Variants in EPG5 observed in about 807,000 individuals in gnomAD.
EPG5 encodes the protein ectopic P granules protein 5 homolog.
EPG5 carries 159 observed loss-of-function variants against 302.7 expected under a neutral mutation model. The ratio of observed to expected loss-of-function variants is 0.53; its 90% CI spans 0.46 to 0.60. The LOEUF is 0.60. Among genes scored for constraint, EPG5 ranks in the 20% least tolerant of loss-of-function variants. The probability of loss-of-function intolerance (pLI) is 0.00; values close to 1 mark genes in which losing one functional copy is unlikely to be tolerated. For synonymous variants in EPG5, 1,158 were observed against 1,136.8 expected (o/e 1.02, Z -0.37); for missense variants, 2,896 against 3,092.4 (o/e 0.94, Z 1.51).
chr18:45,882,545 G>A, intron 30 of EPG5, 58 bp from the exon 31 acceptor site: 4 of 1,428,840 alleles, frequency 2.8e-6, no homozygotes, highest in Non-Finnish European at 2.9e-6. Context: ...TAGTTTAAGA[G>A]GAGAGAGGTC....
chr18:45,959,647 C>T (rs1465594970), intron 1 of EPG5, among the ~76,000 whole-genome samples: 1 of 144,508 alleles, frequency 6.9e-6, no homozygotes, highest in South Asian at 2.2e-4. Flanking sequence ...GGCAACAGAG[C>T]GAGACTGTCT....
intron 24 of EPG5, among the ~76,000 whole-genome samples, chr18:45,907,002 T>G (rs2049767533): frequency 6.6e-6 from 1 of 152,210 alleles, no homozygotes; most frequent in Non-Finnish European, 1.5e-5. Flanking sequence ...AGTCTCCTGT[T>G]GGCCAATAAG....
intron 13 of EPG5, among the ~76,000 whole-genome samples, chr18:45,927,954 G>A (rs2050313038): frequency 6.6e-6 from 1 of 152,148 alleles, no homozygotes; most frequent in African/African-American, 2.4e-5. Flanking sequence ...AGCACTTTGG[G>A]AGACCGAGGT....
At chr18:45,952,265 G>C in intron 3 of EPG5, 135 bp downstream of exon 3, 3 of 1,000,316 alleles carry the variant, frequency 3.0e-6, no homozygotes, top group Non-Finnish European at 4.4e-6. Flanking sequence ...CCTACAGTGG[G>C]GGAGGCCTGG....
At chr18:45,811,930 G>A in the EPG5 span, among the ~76,000 whole-genome samples, 1 of 152,086 alleles carries the variant, frequency 6.6e-6, no homozygotes, top group Non-Finnish European at 1.5e-5. Context: ...AATCAGGCAG[G>A]AGAAAGAAAT....
the EPG5 span, among the ~76,000 whole-genome samples, chr18:45,829,971 C>T: frequency 2.6e-5 from 4 of 152,208 alleles, no homozygotes; most frequent in African/African-American, 9.7e-5. Context: ...ACGACTACCA[C>T]GGGACTCACT....
chr18:45,941,929 G>A (rs1268859136), intron 9 of EPG5, among the ~76,000 whole-genome samples: 1 of 152,150 alleles, frequency 6.6e-6, no homozygotes, highest in Non-Finnish European at 1.5e-5. Flanking sequence ...CTAGACCTCA[G>A]GAGGGACCCC....
At chr18:45,812,928 T>C in the EPG5 span, among the ~76,000 whole-genome samples, 1 of 152,300 alleles carries the variant, frequency 6.6e-6, no homozygotes, top group Admixed American at 6.5e-5. Flanking sequence ...TGGGATCTGA[T>C]TAAACTAAAG....
At chr18:45,837,842 G>T in the EPG5 span, 17 of 1,537,290 alleles carry the variant, frequency 1.1e-5, no homozygotes, top group South Asian at 2.4e-5. Flanking sequence ...CGAGTTCGCC[G>T]GCGACGTCCA....
chr18:45,866,939 C>G lies in EPG5; in HGVS notation c.6480G>C (p.Ser2160=). ...SLSWHLVDIV[S]YQSVLSYFSS... ...TGAAATAACTTAGCACACTCTGGTA[C>G]GACACAATATCCACAAGATGCCATG... The change falls in exon 38 of 44, where the codon TCG becomes TCC. Residue 2160 remains serine (S), a synonymous_variant. Coordinates refer to ENST00000282041, the MANE Select transcript of EPG5 (RefSeq NM_020964.3). 1 of 1,614,108 alleles carries G rather than the reference C, an allele frequency of 6.2e-7. No individual in the cohort carries two copies. Among genetic ancestry groups the G allele is most frequent in the South Asian group, 1.1e-5 (1 of 91,078 alleles).
chr18:45,916,276 T>A lies in EPG5; in HGVS notation c.3385-70A>T, dbSNP rs1197582453. 2.6e-6 allele frequency: 4 copies of A among 1,536,908 alleles called. No individual in the cohort carries two copies. The African/African-American group carries it at 5.5e-5, about 21-fold the overall frequency. ...TCTCATTTTTTAAATAGCAACAAAA[T>A]GCTATCTACCTCCACTACAAATCCC... On this transcript the variant is annotated intron_variant, in intron 18 of 43. Coordinates refer to ENST00000282041, the MANE Select transcript of EPG5 (RefSeq NM_020964.3).
At chr18:45,916,618 G>T (rs750021224) in intron 17 of EPG5, 36 bp from the exon 18 acceptor site, 7 of 1,550,798 alleles carry the variant, frequency 4.5e-6, no homozygotes, top group Non-Finnish European at 4.4e-6. Context: ...TTTACCTTCC[G>T]ATCAGAACTC....
At chr18:45,900,403 T>TG (rs2049584276) in intron 26 of EPG5, among the ~76,000 whole-genome samples, 1 of 46,996 alleles carries the variant, frequency 2.1e-5, no homozygotes, top group Non-Finnish European at 4.8e-5. Flanking sequence ...AGACTCTGTC[T>TG]CAAAAAAAAA....
At chr18:45,820,656 C>T in the EPG5 span, among the ~76,000 whole-genome samples, 2 of 152,270 alleles carry the variant, frequency 1.3e-5, no homozygotes, top group African/African-American at 4.8e-5. Context: ...GCTGGGGGTT[C>T]ATCTTCATCA....
At chr18:45,912,160 GAAA>G (rs2049920467) in intron 22 of EPG5, 127 bp downstream of exon 22, 22 of 190,090 alleles carry the variant, frequency 1.2e-4, no homozygotes, top group Non-Finnish European at 1.7e-4. Context: ...TAGAGACAGA[GAAA>G]GAGTCCTCAC....
At chr18:45,838,429 G>C in the EPG5 span, 1 of 500,144 alleles carries the variant, frequency 2.0e-6, no homozygotes, top group Non-Finnish European at 3.5e-6. Flanking sequence ...CTTAGCATTT[G>C]CTAGGGAGCC....
At chr18:45,800,935 C>T in the EPG5 span, among the ~76,000 whole-genome samples, 4 of 152,282 alleles carry the variant, frequency 2.6e-5, no homozygotes, top group South Asian at 8.3e-4. Flanking sequence ...TTCAGGTGAG[C>T]ATTTTTGAAA....
Position 45,866,878 on chromosome 18 carries a change from C to T in EPG5, c.6541G>A (p.Glu2181Lys), listed in dbSNP as rs755840290. Reference sequence around the variant, plus strand: ...TTCATGATTAATTCAGCATAAGATTCTTTTGCCAGGATGATGGACGGCGGG... The same window carrying T: ...TTCATGATTAATTCAGCATAAGATTTTTTTGCCAGGATGATGGACGGCGGG... Reference protein sequence around the residue: ...HYPPSIILAKESYAELIMKLL... With the variant: ...HYPPSIILAKKSYAELIMKLL... Residue 2181 changes from glutamate (E) to lysine (K), a missense_variant, in exon 38 of 44, where the codon GAA becomes AAA. Glu to Lys is a moderately conservative substitution (Grantham distance 56). Transcript: ENST00000282041. The T allele has an allele frequency of 1.2e-6, 2 of 1,614,072 alleles. No homozygotes were observed. Among genetic ancestry groups the T allele is most frequent in the Non-Finnish European group, 1.7e-6 (2 of 1,180,042 alleles).
At chr18:45,966,387 A>AT (rs1290214610) in intron 1 of EPG5, among the ~76,000 whole-genome samples, 1 of 148,740 alleles carries the variant, frequency 6.7e-6, no homozygotes, top group African/African-American at 2.6e-5. Flanking sequence ...AAAAAAAAAA[A>AT]AAAAATACAT....
Sources: gnomAD v4.1 joint callset for allele counts (sites outside exome capture counted in the v4.1 genomes callset) on GRCh38, gnomAD v4.1.1 for gene constraint, MANE v1.5 for transcripts, NCBI Gene and HGNC (gene_info 2026-07-23, HGNC 2026-07-21) for gene names.